Variants in GPR61 observed in about 807,000 individuals in gnomAD.
The protein encoded by GPR61 is G-protein coupled receptor 61.
In GPR61, 15 loss-of-function variants were observed where a neutral mutation model predicts 29.2. The ratio of observed to expected loss-of-function variants is 0.51; its 90% CI spans 0.34 to 0.79. GPR61 has a LOEUF of 0.79. GPR61 is among the 30% of genes least tolerant of loss of function. The pLI is 0.01. For synonymous variants in GPR61, 238 were observed against 242.3 expected (o/e 0.98, Z 0.17); for missense variants, 399 against 582.5 (o/e 0.69, Z 3.24).
In GPR61 at chr1:109,543,980, G is replaced by A; in HGVS notation, c.958G>A (p.Gly320Arg). 1 of 1,614,222 alleles carries A rather than the reference G, an allele frequency of 6.2e-7. No homozygotes were observed. The change falls in exon 2 of 2, where the codon GGG (glycine) becomes AGG (arginine). Residue 320 changes from glycine (G) to arginine (R), a missense_variant. This residue lies in a region of GPR61 where 320 missense variants were observed against 459.8 expected (regional missense o/e 0.70). Coordinates refer to ENST00000527748, the MANE Select transcript of GPR61 (RefSeq NM_001393907.1). The surrounding 1 kb of genome is among the most constrained non-coding windows in gnomAD (Gnocchi z 6.8). ...VALSAQPIST[G>R]QVESVVTWIG... is the part of the protein sequence containing the mutation. Reference sequence around the variant, plus strand: ...CCTGAGTGCTCAGCCCATTTCAACTGGGCAGGTGGAGAGTGTGGTCACCTG... The same window carrying A: ...CCTGAGTGCTCAGCCCATTTCAACTAGGCAGGTGGAGAGTGTGGTCACCTG...
rs1647668602 is a variant in GPR61, at chr1:109,542,516, C to T, written c.-507C>T. The T allele has an allele frequency of 5.8e-6, 2 of 347,254 alleles. No homozygotes were observed. Among genetic ancestry groups the T allele is most frequent in the Admixed American group, 3.5e-5 (1 of 28,580 alleles). The allele number at this position is 347,254 out of a possible 1,614,324, so 21.5% of individuals were successfully genotyped here. ...ACTAAATTTTGTGCTCCTTCTACTC[C>T]CCAGCAGCTCTTGCCATTCTGAGGA... On this transcript the variant is annotated 5_prime_UTR_variant, in exon 2 of 2. Coordinates refer to ENST00000527748, the MANE Select transcript of GPR61 (RefSeq NM_001393907.1).
In GPR61 at chr1:109,542,664, A is replaced by C; in HGVS notation, c.-359A>C. The C allele has an allele frequency of 4.1e-6, 2 of 487,640 alleles. No individual in the cohort carries two copies. The highest frequency in any genetic ancestry group is 1.5e-5 in the South Asian group (1 of 64,870). 30.2% of individuals were successfully genotyped at this position (487,640 alleles called of 1,614,324 possible). ...CCCGGCTAACAGTTCTGGAAAGGGT[A>C]GAAGGGTATGGAGAACAAGAATGGC... On this transcript the variant is annotated 5_prime_UTR_variant, in exon 2 of 2. Coordinates refer to ENST00000527748, the MANE Select transcript of GPR61 (RefSeq NM_001393907.1).
chr1:109,541,273 G>T (rs368727201), intron 1 of GPR61, among the ~76,000 whole-genome samples: 2 of 152,172 alleles, frequency 1.3e-5, no homozygotes, highest in African/African-American at 4.8e-5. Context: ...CAAAGTTAGG[G>T]CTTCCTCAAG....
chr1:109,543,102 C>A lies in GPR61; in HGVS notation c.80C>A (p.Thr27Asn). The A allele has an allele frequency of 1.3e-6, 2 of 1,575,670 alleles. No individual in the cohort carries two copies. The highest frequency in any genetic ancestry group is 1.7e-6 in the Non-Finnish European group (2 of 1,159,292). ...GTCCCTCAAACCCCAGGTCCCTCTA[C>A]TGCCAGTGGGGTCCCGGAGGTGGGG... ...GRVPQTPGPSTASGVPEVGLR... is the reference protein window; with the variant it reads ...GRVPQTPGPSNASGVPEVGLR... The change falls in exon 2 of 2, where the codon ACT (threonine) becomes AAT (asparagine). Residue 27 changes from threonine to asparagine, a missense_variant. Around this residue, in one of 3 missense-constraint regions of GPR61, gnomAD observed 78 missense variants for 101.0 expected, o/e 0.77. Transcript: ENST00000527748. The surrounding 1 kb of genome is among the most constrained non-coding windows in gnomAD (Gnocchi z 6.8).
In GPR61 at chr1:109,543,347, C is replaced by T. The variant is rs372774937; in HGVS notation, c.325C>T (p.Leu109Phe). The T allele has an allele frequency of 2.7e-5, 44 of 1,613,364 alleles. No homozygotes were observed. Among genetic ancestry groups the T allele is most frequent in the Non-Finnish European group, 3.6e-5 (42 of 1,179,988 alleles). Reference protein sequence around the residue: ...LSSSALFDHALFGEVACRLYL... With the variant: ...LSSSALFDHAFFGEVACRLYL... ...CAGCTCTGCCCTCTTTGACCACGCC[C>T]TCTTTGGGGAGGTGGCCTGCCGCCT... is the stretch of plus-strand genomic sequence containing the variant. The change falls in exon 2 of 2, where the codon CTC (leucine) becomes TTC (phenylalanine). Residue 109 changes from leucine (L) to phenylalanine (F), a missense_variant. Leu to Phe is a conservative substitution (Grantham distance 22). Coordinates refer to ENST00000527748, the MANE Select transcript of GPR61 (RefSeq NM_001393907.1). This position sits in a 1 kb window ranked among gnomAD's most constrained non-coding sequence, Gnocchi z 6.8.
chr1:109,541,736 G>C (rs1438297374), intron 1 of GPR61, among the ~76,000 whole-genome samples: 1 of 152,240 alleles, frequency 6.6e-6, no homozygotes, highest in Non-Finnish European at 1.5e-5. Flanking sequence ...GTTGGCAGCA[G>C]CTCCTTTCCC....
rs1343205038 is a variant in GPR61 at position 109,543,193 on chromosome 1, G to C, written c.171G>C (p.Val57=). The change falls in exon 2 of 2, where the codon GTG becomes GTC. Residue 57 remains valine (V), a synonymous_variant. Coordinates refer to ENST00000527748, the MANE Select transcript of GPR61 (RefSeq NM_001393907.1). The surrounding 1 kb of genome is among the most constrained non-coding windows in gnomAD (Gnocchi z 6.8). ...FFMLLLDLTA[V]AGNAAVMAVI... is the part of the protein sequence containing the mutation. ...TGCTCCTGCTGGACTTGACTGCTGT[G>C]GCTGGCAATGCCGCTGTGATGGCCG... The C allele has an allele frequency of 6.2e-7, 1 of 1,614,088 alleles. No individual in the cohort carries two copies. Among genetic ancestry groups the C allele is most frequent in the Non-Finnish European group, 8.5e-7 (1 of 1,179,964 alleles).
chr1:109,543,754 G>T lies in GPR61; in HGVS notation c.732G>T (p.Pro244=), dbSNP rs768848980. 3 of 1,612,978 alleles carry T rather than the reference G, an allele frequency of 1.9e-6. No individual in the cohort carries two copies. The highest frequency in any genetic ancestry group is 2.5e-6 in the Non-Finnish European group (3 of 1,180,028). ...GCGTGGCTGCCATGCAGCACGGGCC[G>T]CTGCCCACGTGGATGGAGACACCCC... ...VARVAAMQHG[P]LPTWMETPRQ... Residue 244 remains proline (P), a synonymous_variant, in exon 2 of 2, where the codon CCG becomes CCT. Coordinates refer to ENST00000527748, the MANE Select transcript of GPR61 (RefSeq NM_001393907.1). The surrounding 1 kb of genome is among the most constrained non-coding windows in gnomAD (Gnocchi z 6.8).
At position 109,543,476 on chromosome 1, in the gene GPR61, G is replaced by A. The variant is rs1647701007; in HGVS notation, c.454G>A (p.Val152Met). Reference protein sequence around the residue: ...YYVVHPMRYEVRMTLGLVASV... With the variant: ...YYVVHPMRYEMRMTLGLVASV... ...CGTAGTCCACCCCATGCGCTACGAGGTGCGCATGACGCTGGGGCTGGTGGC... is the reference window on the plus strand; with the variant it reads ...CGTAGTCCACCCCATGCGCTACGAGATGCGCATGACGCTGGGGCTGGTGGC... Residue 152 changes from valine (V) to methionine (M), a missense_variant, in exon 2 of 2, where the codon GTG (valine) becomes ATG (methionine). Transcript: ENST00000527748. This position sits in a 1 kb window ranked among gnomAD's most constrained non-coding sequence, Gnocchi z 6.8. The A allele has an allele frequency of 3.7e-6, 6 of 1,613,978 alleles. No homozygotes were observed. The East Asian group carries it at 8.9e-5, about 24-fold the overall frequency.
At chr1:109,541,133 T>G (rs781358842) in intron 1 of GPR61, among the ~76,000 whole-genome samples, 2 of 152,208 alleles carry the variant, frequency 1.3e-5, no homozygotes, top group Non-Finnish European at 2.9e-5. Context: ...TAGACTCTAA[T>G]GAGAAGCTGA....
At chr1:109,540,386 A>G (rs2101075873) in intron 1 of GPR61, among the ~76,000 whole-genome samples, 1 of 152,316 alleles carries the variant, frequency 6.6e-6, no homozygotes, top group Admixed American at 6.5e-5. Flanking sequence ...GTCTGAAGGA[A>G]GGCCAGGCTC....
In GPR61 at chr1:109,543,595, C is replaced by T. The variant is rs143620461; in HGVS notation, c.573C>T (p.Val191=). ...RVSWEEGAPS[V]PPGCSLQWSH... ...CCTGGGAGGAAGGAGCTCCCAGTGT[C>T]CCCCCAGGCTGTTCACTCCAGTGGA... The change falls in exon 2 of 2, where the codon GTC becomes GTT. Residue 191 remains valine (V), a synonymous_variant. Coordinates refer to ENST00000527748, the MANE Select transcript of GPR61 (RefSeq NM_001393907.1). The surrounding 1 kb of genome is among the most constrained non-coding windows in gnomAD (Gnocchi z 6.8). 2.9e-5 allele frequency: 47 copies of T among 1,614,008 alleles called. No individual in the cohort carries two copies. The African/African-American group carries it at 5.1e-4, about 17-fold the overall frequency.
At position 109,544,616 on chromosome 1, in the gene GPR61, T is replaced by C; in HGVS notation, c.*238T>C. 2.0e-6 allele frequency: 1 copy of C among 510,770 alleles called. No homozygotes were observed. The highest frequency in any genetic ancestry group is 3.6e-6 in the Non-Finnish European group (1 of 280,216). 31.6% of individuals were successfully genotyped at this position (510,770 alleles called of 1,614,324 possible). On this transcript the variant is annotated 3_prime_UTR_variant, in exon 2 of 2. Transcript: ENST00000527748. This position sits in a 1 kb window ranked among gnomAD's most constrained non-coding sequence, Gnocchi z 4.6. ...AGGGAACCTGGGTATGGTGAGACGGTGACGAGAGAAAAGGGTCACAAAGGT... is the reference window on the plus strand; with the variant it reads ...AGGGAACCTGGGTATGGTGAGACGGCGACGAGAGAAAAGGGTCACAAAGGT...
chr1:109,541,417 A>G (rs1275078901), intron 1 of GPR61, among the ~76,000 whole-genome samples: 1 of 152,220 alleles, frequency 6.6e-6, no homozygotes, highest in Admixed American at 6.5e-5. Context: ...AATTCACAAA[A>G]TTGTATTCAG....
chr1:109,542,817 C>T lies in GPR61; in HGVS notation c.-206C>T, dbSNP rs117876628. The T allele has an allele frequency of 4.8e-4, 363 of 750,438 alleles. 5 individuals are homozygous for T. The East Asian group carries it at 9.4e-3, about 19-fold the overall frequency. 46.5% of individuals were successfully genotyped at this position (750,438 alleles called of 1,614,324 possible). ...CCAAGGCAGACCCTGCAGCTACCTC[C>T]GGCCAGAAAGGGGATGAGCTTCTGA... On this transcript the variant is annotated 5_prime_UTR_variant, in exon 2 of 2. Transcript: ENST00000527748.
Position 109,543,247 on chromosome 1 carries a change from A to G in GPR61, c.225A>G (p.Lys75=). ...TCGCCAAGACGCCTGCCCTCCGAAA[A>G]TTTGTCTTCGTCTTCCACCTCTGCC... ...AVIAKTPALR[K]FVFVFHLCLV... Residue 75 remains lysine, a synonymous_variant, in exon 2 of 2, where the codon AAA becomes AAG. Coordinates refer to ENST00000527748, the MANE Select transcript of GPR61 (RefSeq NM_001393907.1). This position sits in a 1 kb window ranked among gnomAD's most constrained non-coding sequence, Gnocchi z 6.8. 1 of 1,613,964 alleles carries G rather than the reference A, an allele frequency of 6.2e-7. No individual in the cohort carries two copies. Among genetic ancestry groups the G allele is most frequent in the Non-Finnish European group, 8.5e-7 (1 of 1,179,994 alleles).
rs764431076 is a variant in GPR61, at chr1:109,543,027, A to G, written c.5A>G (p.Glu2Gly). Residue 2 changes from glutamate (E) to glycine (G), a missense_variant, in exon 2 of 2, where the codon GAG becomes GGG. Glu to Gly is a moderately conservative substitution (Grantham distance 98). Transcript: ENST00000527748. This position sits in a 1 kb window ranked among gnomAD's most constrained non-coding sequence, Gnocchi z 6.8. ...TGGGTGCCCTCTTTCGGCCCCATGGAGTCCTCACCCATCCCCCAGTCATCA... is the reference window on the plus strand; with the variant it reads ...TGGGTGCCCTCTTTCGGCCCCATGGGGTCCTCACCCATCCCCCAGTCATCA... M[E>G]SSPIPQSSGN... 1 of 1,544,530 alleles carries G rather than the reference A, an allele frequency of 6.5e-7. No individual in the cohort carries two copies. The highest frequency in any genetic ancestry group is 8.7e-7 in the Non-Finnish European group (1 of 1,144,162).
intron 1 of GPR61, among the ~76,000 whole-genome samples, chr1:109,540,336 T>C (rs1300028526): frequency 6.6e-6 from 1 of 152,138 alleles, no homozygotes; most frequent in Non-Finnish European, 1.5e-5. Flanking sequence ...GTGTTGTAGC[T>C]CCCTGGAAAT....
rs561244221 is a variant in GPR61 at position 109,545,803 on chromosome 1, G to A, written c.*1425G>A. 1 of 152,290 alleles carries A rather than the reference G, an allele frequency of 6.6e-6. No homozygotes were observed. The highest frequency in any genetic ancestry group is 1.5e-5 in the Non-Finnish European group (1 of 68,020). 9.4% of individuals were successfully genotyped at this position (152,290 alleles called of 1,614,324 possible). On this transcript the variant is annotated 3_prime_UTR_variant, in exon 2 of 2. Transcript: ENST00000527748. ...GGGAGTGGGATAGTCTCCCATTTAA[G>A]CAGCTAATAAATAATTTTTATGATA...
Sources: allele counts gnomAD v4.1 joint callset (sites outside exome capture counted in the v4.1 genomes callset), GRCh38; gene constraint gnomAD v4.1.1; regional missense constraint gnomAD v4.1.1; non-coding constraint Gnocchi (gnomAD v3.1); transcripts MANE v1.5; gene names NCBI Gene and HGNC (gene_info 2026-07-23, HGNC 2026-07-21).